ZNF428: variants seen among roughly 807,000 people sequenced by gnomAD.
ZNF428 encodes enzyme-like protein PIT13.
A neutral mutation model predicts 15.6 loss-of-function variants in ZNF428; 5 were observed. That is an observed-to-expected ratio of 0.32 (90% CI 0.17 to 0.67). ZNF428 has a LOEUF of 0.67. ZNF428 is among the 30% of genes least tolerant of loss of function. The pLI, the probability that ZNF428 is intolerant of heterozygous loss-of-function variation, is 0.73. For synonymous variants in ZNF428, 97 were observed against 102.2 expected, an observed-to-expected ratio of 0.95 and a Z score of 0.31; for missense variants, 237 against 256.0, an observed-to-expected ratio of 0.93 and a Z score of 0.51.
chr19:43,616,872 C>T lies in ZNF428; in HGVS notation c.-130-2438G>A, dbSNP rs1310506276. ...TGTTGCCCAGGCTGGAGTACAGTAG[C>T]GCGATCTCAGCTCACTGCAACCTCT... On this transcript the variant is annotated intron_variant, in intron 1 of 2. Coordinates refer to ENST00000300811, the MANE Select transcript of ZNF428 (RefSeq NM_182498.4). Among the ~76,000 whole-genome samples the T allele has an allele frequency of 2.7e-5, 4 of 148,928 alleles. No individual in the cohort carries two copies. In the East Asian group the frequency reaches 7.8e-4, roughly 29 times the overall value.
intron 2 of ZNF428, among the ~76,000 whole-genome samples, chr19:43,609,359 G>GGAGAGAGA (rs55665674): frequency 0.025 from 2,049 of 81,850 alleles, 51 homozygotes; most frequent in African/African-American, 0.069. Context: ...CTGTGGCCAT[G>GGAGAGAGA]GAGAGAGAGA....
intron 2 of ZNF428, chr19:43,613,321 T>A (rs1323172766): frequency 6.4e-7 from 1 of 1,551,008 alleles, no homozygotes; most frequent in Non-Finnish European, 8.7e-7. Context: ...AGCAGAGAGA[T>A]CACAGCCGAT....
chr19:43,614,023 C>T (rs1482799662), intron 2 of ZNF428: 2 of 1,551,796 alleles, frequency 1.3e-6, no homozygotes, highest in Non-Finnish European at 1.7e-6. Context: ...AATCTAGAAC[C>T]TCTAGCAAGG....
intron 2 of ZNF428, chr19:43,613,169 G>C (rs1293154484): frequency 3.2e-6 from 5 of 1,551,664 alleles, no homozygotes; most frequent in Non-Finnish European, 4.4e-6. Context: ...CCCCAGAAGA[G>C]GAAGAAGTCA....
chr19:43,617,043 A>C (rs1470632493), intron 1 of ZNF428, among the ~76,000 whole-genome samples: 1 of 151,676 alleles, frequency 6.6e-6, no homozygotes, highest in African/African-American at 2.4e-5. Flanking sequence ...TGATCCATTT[A>C]CCTTGGCCTC....
At chr19:43,611,713 C>T (rs1463912289) in intron 2 of ZNF428, among the ~76,000 whole-genome samples, 2 of 152,226 alleles carry the variant, frequency 1.3e-5, no homozygotes, top group African/African-American at 2.4e-5. Context: ...ACTCCCCAAG[C>T]GGTCAGTGTC....
At chr19:43,609,111 A>G (rs1302277508) in intron 2 of ZNF428, among the ~76,000 whole-genome samples, 1 of 152,078 alleles carries the variant, frequency 6.6e-6, no homozygotes, top group Non-Finnish European at 1.5e-5. Context: ...CTTATACATT[A>G]ACTCACTAAA....
intron 2 of ZNF428, chr19:43,613,945 T>A: frequency 6.4e-7 from 1 of 1,551,646 alleles, no homozygotes; most frequent in East Asian, 2.4e-5. Context: ...ACAGTCGACC[T>A]AGAGCCTCCA....
chr19:43,612,174 G>T lies in ZNF428; in HGVS notation c.76+2055C>A. The T allele has an allele frequency of 6.4e-7, 1 of 1,551,638 alleles. No individual in the cohort carries two copies. Among genetic ancestry groups the T allele is most frequent in the Non-Finnish European group, 8.7e-7 (1 of 1,146,990 alleles). On this transcript the variant is annotated intron_variant, in intron 2 of 2. Coordinates refer to ENST00000300811, the MANE Select transcript of ZNF428 (RefSeq NM_182498.4). The surrounding 1 kb of genome is among the most constrained non-coding windows in gnomAD (Gnocchi z 4.2). ...CCCAGTATGTCTCTGGCACCCAGTG[G>T]ATCCTCCATGCCCACTGCGGATCCC...
At chr19:43,614,071 C>G in intron 2 of ZNF428, 158 bp downstream of exon 2, 1 of 1,556,734 alleles carries the variant, frequency 6.4e-7, no homozygotes, top group Non-Finnish European at 8.7e-7. Flanking sequence ...CCAGAAGTCC[C>G]GACTGGAAGA....
rs1232182529 is a variant in ZNF428, at chr19:43,607,677, G to C, written c.507C>G (p.Ser169=). 8.1e-6 allele frequency: 13 copies of C among 1,612,172 alleles called. No individual in the cohort carries two copies. Among genetic ancestry groups the C allele is most frequent in the Non-Finnish European group, 1.1e-5 (13 of 1,178,930 alleles). ...GTYHCTECED[S]FDNLGELHGH... is the part of the protein sequence containing the mutation. ...CGTGCAGCTCCCCCAGGTTGTCGAA[G>C]GAATCCTCACATTCCGTACAGTGGT... Residue 169 remains serine (S), a synonymous_variant, in exon 3 of 3, where the codon TCC becomes TCG. Coordinates refer to ENST00000300811, the MANE Select transcript of ZNF428 (RefSeq NM_182498.4). This position sits in a 1 kb window ranked among gnomAD's most constrained non-coding sequence, Gnocchi z 5.1.
rs1397838620 is a variant in ZNF428 at position 43,607,818 on chromosome 19, T to C, written c.366A>G (p.Glu122=). 5 of 1,569,290 alleles carry C rather than the reference T, an allele frequency of 3.2e-6. No individual in the cohort carries two copies. Among genetic ancestry groups the C allele is most frequent in the Non-Finnish European group, 4.3e-6 (5 of 1,157,020 alleles). ...GGGCCCTGCCTTCAGGGGCTGGTGC[T>C]TCCTGGGGGGCTGTAGCAGGGCAGC... The part of the protein sequence containing the change: ...RLCCPATAPQ[E]APAPEGRALG... Residue 122 remains glutamate (E), a synonymous_variant, in exon 3 of 3, where the codon GAA becomes GAG. Coordinates refer to ENST00000300811, the MANE Select transcript of ZNF428 (RefSeq NM_182498.4). This position sits in a 1 kb window ranked among gnomAD's most constrained non-coding sequence, Gnocchi z 5.1.
In ZNF428 at chr19:43,612,710, C is replaced by A; in HGVS notation, c.76+1519G>T. On this transcript the variant is annotated intron_variant, in intron 2 of 2. Coordinates refer to ENST00000300811, the MANE Select transcript of ZNF428 (RefSeq NM_182498.4). The surrounding 1 kb of genome is among the most constrained non-coding windows in gnomAD (Gnocchi z 4.2). ...TAGAAATCTGAGCAAGAAGAGTTAC[C>A]GCCCACCAGGAGGCTCAGGTATAGG... is the stretch of plus-strand genomic sequence containing the variant. 8 of 1,551,604 alleles carry A rather than the reference C, an allele frequency of 5.2e-6. No individual in the cohort carries two copies. Among genetic ancestry groups the A allele is most frequent in the Non-Finnish European group, 7.0e-6 (8 of 1,146,990 alleles).
At chr19:43,614,459 T>G (rs760803673) in intron 1 of ZNF428, 25 bp from the exon 2 acceptor site, 1 of 1,433,670 alleles carries the variant, frequency 7.0e-7, no homozygotes, top group East Asian at 2.5e-5. Flanking sequence ...AGGAAAGACC[T>G]GTGATGATTC....
intron 2 of ZNF428, among the ~76,000 whole-genome samples, chr19:43,611,719 G>A (rs191552443): frequency 3.3e-5 from 5 of 152,342 alleles, no homozygotes; most frequent in African/African-American, 1.2e-4. Context: ...CAAGCGGTCA[G>A]TGTCTCTCTC....
In ZNF428 at chr19:43,608,086, G is replaced by T; in HGVS notation, c.98C>A (p.Ser33Ter). 6.2e-7 allele frequency: 1 copy of T among 1,613,412 alleles called. No homozygotes were observed. The highest frequency in any genetic ancestry group is 8.5e-7 in the Non-Finnish European group (1 of 1,179,642). ...GTCCGGCTCTGAGAGAGTGTATTCT[G>T]AATCAGAGGAATGCTCGGGGCCTGG... ...LSPGPEHSSD[S>*]EYTLSEPDSE... Residue 33 changes from serine (S) to a stop codon, truncating the protein, a stop_gained, in exon 3 of 3, where the codon TCA becomes TAA. Transcript: ENST00000300811. LOFTEE classifies it high-confidence loss of function.
intron 1 of ZNF428, among the ~76,000 whole-genome samples, chr19:43,616,665 CAA>C (rs1228629431): frequency 6.6e-6 from 1 of 152,172 alleles, no homozygotes; most frequent in Non-Finnish European, 1.5e-5. Context: ...GGTATTCCAT[CAA>C]GAGTGGCCAT....
chr19:43,610,791 T>C (rs915956489), intron 2 of ZNF428, among the ~76,000 whole-genome samples: 4 of 152,148 alleles, frequency 2.6e-5, no homozygotes, highest in African/African-American at 9.7e-5. Context: ...CCTTCCTCTT[T>C]GGTGAGGCCG....
Position 43,612,450 on chromosome 19 carries a change from G to A in ZNF428, c.76+1779C>T. 6.4e-6 allele frequency: 10 copies of A among 1,551,574 alleles called. No individual in the cohort carries two copies. The highest frequency in any genetic ancestry group is 8.7e-6 in the Non-Finnish European group (10 of 1,146,972). Reference sequence around the variant, plus strand: ...AAAGCCAGCAAGGCCAGCGACGTGAGATGCCACCAGCGGAGGGGCACACAC... The same window carrying A: ...AAAGCCAGCAAGGCCAGCGACGTGAAATGCCACCAGCGGAGGGGCACACAC... On this transcript the variant is annotated intron_variant, in intron 2 of 2. Coordinates refer to ENST00000300811, the MANE Select transcript of ZNF428 (RefSeq NM_182498.4). This position sits in a 1 kb window ranked among gnomAD's most constrained non-coding sequence, Gnocchi z 4.2.
Sources: gnomAD v4.1 joint callset for allele counts (sites outside exome capture counted in the v4.1 genomes callset) on GRCh38, gnomAD v4.1.1 for gene constraint, Gnocchi (gnomAD v3.1) non-coding constraint, MANE v1.5 for transcripts, NCBI Gene and HGNC (gene_info 2026-07-23, HGNC 2026-07-21) for gene names.